The following PUM1 variants were observed in gnomAD, a reference collection of about 807,000 sequenced individuals.
PUM1 encodes the protein pumilio homolog 1.
In PUM1, 13 loss-of-function variants were observed where a neutral mutation model predicts 131.8. That is an observed-to-expected ratio of 0.10 (90% CI 0.06 to 0.16). PUM1 has a LOEUF of 0.16. PUM1 is among the 10% of genes least tolerant of loss of function. PUM1 has a pLI of 1.00. For missense variants in PUM1, 961 were observed against 1,512.4 expected (o/e 0.64, Z 6.05); for synonymous variants, 509 against 556.5 (o/e 0.91, Z 1.20).
In PUM1 at chr1:30,933,252, C is replaced by T; in HGVS notation, c.3526G>A (p.Asp1176Asn). 1 of 1,613,842 alleles carries T rather than the reference C, an allele frequency of 6.2e-7. No homozygotes were observed. The highest frequency in any genetic ancestry group is 8.5e-7 in the Non-Finnish European group (1 of 1,179,888). The change falls in exon 22 of 22, where the codon GAC becomes AAC. Residue 1176 changes from aspartate (D) to asparagine (N), a missense_variant. Coordinates refer to ENST00000426105, the MANE Select transcript of PUM1 (RefSeq NM_001020658.2). The part of the protein sequence containing the change: ...LEKYYMKNGV[D>N]LGPICGPPNG... Reference sequence around the variant, plus strand: ...GGGGGGCCACAGATGGGCCCTAAGTCAACACCGTTCTTCATGTAGTACTTC... The same window carrying T: ...GGGGGGCCACAGATGGGCCCTAAGTTAACACCGTTCTTCATGTAGTACTTC...
chr1:30,975,424 CACTGCAACCCTG>C (rs1167371293), intron 9 of PUM1, among the ~76,000 whole-genome samples: 1 of 151,682 alleles, frequency 6.6e-6, no homozygotes, highest in Non-Finnish European at 1.5e-5. Context: ...AATCTCAGCT[CACTGCAACCCTG>C]ACCTCCCCGG....
chr1:30,983,882 C>T (rs963842586), intron 7 of PUM1, among the ~76,000 whole-genome samples: 2 of 151,578 alleles, frequency 1.3e-5, no homozygotes, highest in African/African-American at 4.9e-5. Context: ...GAATTACAGG[C>T]GTGAGCCACC....
At chr1:31,055,735 T>C (rs1430130853) in intron 2 of PUM1, among the ~76,000 whole-genome samples, 2 of 152,192 alleles carry the variant, frequency 1.3e-5, no homozygotes, top group East Asian at 3.9e-4. Context: ...TAGGGCTCAG[T>C]GTAAGACAGA....
intron 2 of PUM1, among the ~76,000 whole-genome samples, chr1:31,057,892 G>A (rs1297044551): frequency 1.3e-5 from 2 of 151,986 alleles, no homozygotes; most frequent in East Asian, 1.9e-4. Context: ...CAGTACTGAC[G>A]GGTGACACAA....
At chr1:30,985,427 C>T (rs1265964430) in intron 7 of PUM1, among the ~76,000 whole-genome samples, 1 of 151,998 alleles carries the variant, frequency 6.6e-6, no homozygotes, top group South Asian at 2.1e-4. Context: ...CCGAGGCAGG[C>T]GGATCACCTG....
chr1:31,006,249 TCTAGCTTATCTGGTTTAA>T (rs1429975778), intron 4 of PUM1, among the ~76,000 whole-genome samples: 1 of 152,218 alleles, frequency 6.6e-6, no homozygotes, highest in Non-Finnish European at 1.5e-5. Flanking sequence ...CAACAGTTTA[TCTAGCTTATCTGGTTTAA>T]CTAGCTGAGT....
In PUM1 at chr1:30,968,489, G is replaced by T; in HGVS notation, c.1510C>A (p.Leu504Ile). 6.3e-7 allele frequency: 1 copy of T among 1,591,556 alleles called. No homozygotes were observed. The highest frequency in any genetic ancestry group is 8.5e-7 in the Non-Finnish European group (1 of 1,174,188). Residue 504 changes from leucine to isoleucine, a missense_variant, in exon 11 of 22, where the codon CTC becomes ATC. This residue lies in a region of PUM1 where 654 missense variants were observed against 923.9 expected (regional missense o/e 0.71). Transcript: ENST00000426105. Reference sequence around the variant, plus strand: ...GGACGTTGGCTGGCTCCTCCACGGAGAACCTGGGAAAGGAAGACAGAAATA... The same window carrying T: ...GGACGTTGGCTGGCTCCTCCACGGATAACCTGGGAAAGGAAGACAGAAATA... ...PQAQQGQQQVLRGGASQRPLT... is the reference protein window; with the variant it reads ...PQAQQGQQQVIRGGASQRPLT...
intron 2 of PUM1, among the ~76,000 whole-genome samples, chr1:31,033,694 C>T (rs1643514790): frequency 6.6e-6 from 1 of 151,770 alleles, no homozygotes; most frequent in Non-Finnish European, 1.5e-5. Flanking sequence ...CAGGGTCTGG[C>T]TCTGTTACCT....
chr1:30,945,102 T>C (rs1639615346), intron 18 of PUM1, among the ~76,000 whole-genome samples: 1 of 152,088 alleles, frequency 6.6e-6, no homozygotes, highest in Admixed American at 6.6e-5. Flanking sequence ...GGTGTGGTGG[T>C]ATGTGCCTGT....
At chr1:30,983,968 C>T (rs574036342) in intron 7 of PUM1, among the ~76,000 whole-genome samples, 6 of 152,122 alleles carry the variant, frequency 3.9e-5, no homozygotes, top group Admixed American at 6.5e-5. Flanking sequence ...TAAATATACA[C>T]GGAAATACAT....
chr1:30,986,258 T>TAA (rs1641555727), intron 7 of PUM1, among the ~76,000 whole-genome samples: 1 of 152,154 alleles, frequency 6.6e-6, no homozygotes, highest in Admixed American at 6.5e-5. Flanking sequence ...CTTGGCCTCT[T>TAA]ATGTGTAAAA....
At chr1:30,958,341 A>C (rs1330660214) in intron 14 of PUM1, among the ~76,000 whole-genome samples, 1 of 152,212 alleles carries the variant, frequency 6.6e-6, no homozygotes, top group Non-Finnish European at 1.5e-5. Context: ...TTTGCCCTAG[A>C]CAGCTTATGA....
At chr1:31,038,958 T>TTATATATATATATATA (rs200492434) in intron 2 of PUM1, among the ~76,000 whole-genome samples, 11 of 43,958 alleles carry the variant, frequency 2.5e-4, no homozygotes, top group East Asian at 1.5e-3. Flanking sequence ...TTTTAAAATT[T>TTATATATATATATATA]TATATATATA....
intron 2 of PUM1, among the ~76,000 whole-genome samples, chr1:31,038,984 ATTTTTTT>A (rs35507851): frequency 2.0e-5 from 1 of 49,422 alleles, no homozygotes; most frequent in Non-Finnish European, 3.1e-5. Flanking sequence ...ATATATATAT[ATTTTTTT>A]TTTTTTTTTC....
chr1:31,052,999 T>G (rs548816166), intron 2 of PUM1, among the ~76,000 whole-genome samples: 1 of 144,480 alleles, frequency 6.9e-6, no homozygotes, highest in East Asian at 2.1e-4. Context: ...CCACCACGCC[T>G]GGCCCAATAT....
At chr1:31,029,004 G>A (rs1643319255) in intron 2 of PUM1, 140 bp from the exon 3 acceptor site, 3 of 684,032 alleles carry the variant, frequency 4.4e-6, no homozygotes, top group Non-Finnish European at 7.9e-6. Context: ...GTGACTAAGA[G>A]ATTAAACATT....
Position 30,936,756 on chromosome 1 carries a change from C to T in PUM1, c.3322G>A (p.Asp1108Asn), listed in dbSNP as rs1173280923. 3.7e-6 allele frequency: 6 copies of T among 1,613,914 alleles called. No individual in the cohort carries two copies. Among genetic ancestry groups the T allele is most frequent in the Non-Finnish European group, 5.1e-6 (6 of 1,179,792 alleles). ...VLIDEVCTMN[D>N]GPHSALYTMM... ...GTGTATAAGGCACTGTGGGGACCGT[C>T]GTTCATGGTGCACACCTCATCGATG... The change falls in exon 21 of 22, where the codon GAC becomes AAC. Residue 1108 changes from aspartate to asparagine, a missense_variant. By Grantham distance (23) the Asp-to-Asn change is conservative. Around this residue, in one of 4 missense-constraint regions of PUM1, gnomAD observed 178 missense variants for 327.5 expected, o/e 0.54. Coordinates refer to ENST00000426105, the MANE Select transcript of PUM1 (RefSeq NM_001020658.2).
At chr1:31,005,453 T>C (rs1241725878) in intron 5 of PUM1, among the ~76,000 whole-genome samples, 1 of 152,164 alleles carries the variant, frequency 6.6e-6, no homozygotes, top group African/African-American at 2.4e-5. Context: ...TATTGGCAAA[T>C]CACTGCTCTC....
chr1:31,009,269 T>A (rs1642508359), intron 3 of PUM1, among the ~76,000 whole-genome samples: 1 of 152,014 alleles, frequency 6.6e-6, no homozygotes, highest in Non-Finnish European at 1.5e-5. Context: ...AAATTCTGAT[T>A]TTTTTTCTCC....
Sources: gnomAD v4.1 joint callset for allele counts (sites outside exome capture counted in the v4.1 genomes callset) on GRCh38, gnomAD v4.1.1 for gene constraint, gnomAD v4.1.1 regional missense constraint, MANE v1.5 for transcripts, NCBI Gene and HGNC (gene_info 2026-07-23, HGNC 2026-07-21) for gene names.